Variants in ARMH4 observed in about 807,000 individuals in gnomAD.
ARMH4 encodes armadillo-like helical domain-containing protein 4.
Under a neutral mutation model 61.9 loss-of-function variants are expected in ARMH4, and 49 were observed. The ratio of observed to expected loss-of-function variants is 0.79; its 90% CI spans 0.63 to 1.00. The LOEUF is 1.00. Ranked by LOEUF, ARMH4 falls within the 50% of genes least tolerant of loss-of-function variation. The probability of loss-of-function intolerance (pLI) is 0.00; values close to 1 mark genes in which losing one functional copy is unlikely to be tolerated. For synonymous variants in ARMH4, 368 were observed against 341.5 expected (o/e 1.08, Z -0.85); for missense variants, 934 against 930.0 (o/e 1.00, Z -0.06).
At chr14:58,079,413 G>A (rs548724742) in intron 5 of ARMH4, among the ~76,000 whole-genome samples, 5 of 152,222 alleles carry the variant, frequency 3.3e-5, no homozygotes, top group African/African-American at 1.2e-4. Context: ...TTTACCAGGA[G>A]CCCACCCCCA....
intron 5 of ARMH4, among the ~76,000 whole-genome samples, chr14:58,059,109 G>C (rs1243892551): frequency 1.3e-5 from 2 of 152,214 alleles, no homozygotes; most frequent in East Asian, 3.8e-4. Flanking sequence ...GAGGTAGAAA[G>C]AGCAGACAGT....
At chr14:58,029,091 C>A (rs1883122081) in intron 5 of ARMH4, among the ~76,000 whole-genome samples, 1 of 152,100 alleles carries the variant, frequency 6.6e-6, no homozygotes, top group Non-Finnish European at 1.5e-5. Context: ...TAAAAGCAGT[C>A]CCTCTCCATT....
intron 5 of ARMH4, among the ~76,000 whole-genome samples, chr14:58,053,697 T>C (rs1359042465): frequency 6.6e-6 from 1 of 152,140 alleles, no homozygotes; most frequent in Admixed American, 6.6e-5. Context: ...CCAACTAAGA[T>C]GCAGTTACCA....
chr14:58,057,704 A>G (rs1275958622), intron 5 of ARMH4, among the ~76,000 whole-genome samples: 1 of 152,166 alleles, frequency 6.6e-6, no homozygotes, highest in Non-Finnish European at 1.5e-5. Flanking sequence ...TAACTCTGGG[A>G]AAACTATTTA....
chr14:58,022,387 G>C (rs1023134061), intron 5 of ARMH4, among the ~76,000 whole-genome samples: 7 of 152,186 alleles, frequency 4.6e-5, no homozygotes, highest in African/African-American at 1.7e-4. Flanking sequence ...AGTAGCTCTT[G>C]GCATGTAAGG....
chr14:58,086,453 C>CA (rs1333835169), intron 5 of ARMH4, among the ~76,000 whole-genome samples: 1 of 152,080 alleles, frequency 6.6e-6, no homozygotes, highest in African/African-American at 2.4e-5. Flanking sequence ...CTCTACCTGC[C>CA]ATATGATAGC....
chr14:58,136,883 C>T (rs1887320092), intron 2 of ARMH4, among the ~76,000 whole-genome samples: 1 of 152,140 alleles, frequency 6.6e-6, no homozygotes, highest in Admixed American at 6.5e-5. Flanking sequence ...TATCTTCCAC[C>T]CTACCCCCTT....
chr14:58,009,145 T>C (rs1882292532), intron 6 of ARMH4, among the ~76,000 whole-genome samples: 1 of 152,136 alleles, frequency 6.6e-6, no homozygotes, highest in Non-Finnish European at 1.5e-5. Context: ...AAAATAAAAA[T>C]GACTTCTTGC....
At chr14:58,021,295 C>T (rs1882820453) in intron 5 of ARMH4, among the ~76,000 whole-genome samples, 1 of 152,188 alleles carries the variant, frequency 6.6e-6, no homozygotes, top group Admixed American at 6.5e-5. Context: ...GGGTTTTTCC[C>T]ATGCTGTTCT....
At position 58,062,083 on chromosome 14, in the gene ARMH4, A is replaced by T. The variant is rs1884550541; in HGVS notation, c.2089+34641T>A. ...GCTGGATGCAGTGACTCATGCCTGT[A>T]ATCCTAGCACTTTGGGAGGCCAAGG... is the stretch of plus-strand genomic sequence containing the variant. On this transcript the variant is annotated intron_variant, in intron 5 of 7. Transcript: ENST00000267485. 2.6e-5 allele frequency among the ~76,000 whole-genome samples: 4 copies of T among 152,150 alleles called. 1 individual carries two copies. The South Asian group carries it at 8.3e-4, about 32-fold the overall frequency.
chr14:58,036,028 G>C (rs1883468915), intron 5 of ARMH4, among the ~76,000 whole-genome samples: 2 of 127,642 alleles, frequency 1.6e-5, no homozygotes, highest in Admixed American at 7.4e-5. Flanking sequence ...GAAAAAGAGG[G>C]AATCCTCCCT....
At chr14:58,112,033 T>C (rs568138705) in intron 4 of ARMH4, among the ~76,000 whole-genome samples, 73 of 152,242 alleles carry the variant, frequency 4.8e-4, no homozygotes, top group Non-Finnish European at 9.3e-4. Flanking sequence ...CTATTGGATT[T>C]GGCCCCACTC....
In ARMH4 at chr14:58,004,458, T is replaced by C. The variant is rs915339276; in HGVS notation, c.*278A>G. On this transcript the variant is annotated 3_prime_UTR_variant, in exon 8 of 8. Transcript: ENST00000267485. ...TATTTACTCTGCCTAATGTAGCAAC[T>C]CCTACTGAAAAACATATATGTTGCA... The C allele has an allele frequency of 1.1e-5, 3 of 267,028 alleles. No homozygotes were observed. The highest frequency in any genetic ancestry group is 6.6e-5 in the African/African-American group (3 of 45,258). The allele number at this position is 267,028 out of a possible 1,614,324, so 16.5% of individuals were successfully genotyped here.
At chr14:58,095,766 G>A (rs1432134913) in intron 5 of ARMH4, among the ~76,000 whole-genome samples, 1 of 152,144 alleles carries the variant, frequency 6.6e-6, no homozygotes, top group African/African-American at 2.4e-5. Context: ...CCAGAGCAAA[G>A]GCCCAGACCA....
chr14:58,097,943 C>G (rs1885814801), intron 4 of ARMH4, among the ~76,000 whole-genome samples: 1 of 152,108 alleles, frequency 6.6e-6, no homozygotes. Flanking sequence ...CATTTTGTTT[C>G]ACCAATGTTA....
intron 5 of ARMH4, among the ~76,000 whole-genome samples, chr14:58,092,231 C>G (rs1340167761): frequency 6.6e-6 from 1 of 152,030 alleles, no homozygotes; most frequent in South Asian, 2.1e-4. Flanking sequence ...ATAAAACAAC[C>G]CCATTTAAAA....
At position 58,131,616 on chromosome 14, in the gene ARMH4, G is replaced by C. The variant is rs1312368106; in HGVS notation, c.1727C>G (p.Ala576Gly). The C allele has an allele frequency of 1.2e-6, 2 of 1,614,018 alleles. No individual in the cohort carries two copies. Among genetic ancestry groups the C allele is most frequent in the East Asian group, 4.5e-5 (2 of 44,892 alleles). ...AGAGGATGCCTCCAAAGCAGGAAGT[G>C]CAGGGGAAATGCTGGGTTCCCCCAC... ...IMVGEPSISP[A>G]LPALEASSER... The change falls in exon 4 of 8, where the codon GCA becomes GGA. Residue 576 changes from alanine (A) to glycine (G), a missense_variant. Transcript: ENST00000267485.
chr14:58,115,394 A>C (rs1886484345), intron 4 of ARMH4, among the ~76,000 whole-genome samples: 1 of 152,212 alleles, frequency 6.6e-6, no homozygotes, highest in South Asian at 2.1e-4. Context: ...CACCAGTCAG[A>C]ATGGTTATTA....
At chr14:58,026,364 T>C (rs1883021431) in intron 5 of ARMH4, among the ~76,000 whole-genome samples, 1 of 152,136 alleles carries the variant, frequency 6.6e-6, no homozygotes, top group South Asian at 2.1e-4. Flanking sequence ...TCTCTTTACC[T>C]AAGCAACCTT....
Sources: gnomAD v4.1 joint callset for allele counts (sites outside exome capture counted in the v4.1 genomes callset) on GRCh38, gnomAD v4.1.1 for gene constraint, MANE v1.5 for transcripts, NCBI Gene and HGNC (gene_info 2026-07-23, HGNC 2026-07-21) for gene names.